The following RBFOX1 variants were observed in gnomAD, a reference collection of about 807,000 sequenced individuals.
RBFOX1 encodes the protein RNA binding protein fox-1 homolog 1.
In RBFOX1, 8 loss-of-function variants were observed where a neutral mutation model predicts 57.7. The ratio of observed to expected loss-of-function variants is 0.14; its 90% CI spans 0.08 to 0.25. The LOEUF is 0.25. RBFOX1 is among the 10% of genes least tolerant of loss of function. The pLI, the probability that RBFOX1 is intolerant of heterozygous loss-of-function variation, is 1.00. For missense variants in RBFOX1, 611 were observed against 548.5 expected, an observed-to-expected ratio of 1.11 and a Z score of -1.14; for synonymous variants, 326 against 222.4, an observed-to-expected ratio of 1.47 and a Z score of -4.15.
intron 4 of RBFOX1, among the ~76,000 whole-genome samples, chr16:7,140,057 C>T (rs1459985681): frequency 6.6e-6 from 1 of 151,544 alleles, no homozygotes; most frequent in Non-Finnish European, 1.5e-5. Flanking sequence ...GGAATATTAG[C>T]CAAAGAATGG....
rs2090372128 is a variant in RBFOX1 at position 7,208,126 on chromosome 16, T to C, written c.27+156028T>C. On this transcript the variant is annotated intron_variant, in intron 4 of 15. Coordinates refer to ENST00000550418, the MANE Select transcript of RBFOX1 (RefSeq NM_018723.4). Reference sequence around the variant, plus strand: ...TACAGGAAAAGCTGGAGATGGCTGTTTATGTATCCCTGGAGTTTGGTTTTT... The same window carrying C: ...TACAGGAAAAGCTGGAGATGGCTGTCTATGTATCCCTGGAGTTTGGTTTTT... Among the ~76,000 whole-genome samples, 4 of 152,260 alleles carry C rather than the reference T, an allele frequency of 2.6e-5. No homozygotes were observed. The South Asian group carries it at 8.3e-4, about 32-fold the overall frequency.
At chr16:5,565,002 C>A (rs1219433850) in intron 2 of RBFOX1, among the ~76,000 whole-genome samples, 1 of 152,136 alleles carries the variant, frequency 6.6e-6, no homozygotes, top group Non-Finnish European at 1.5e-5. Flanking sequence ...TCAAAGAGCC[C>A]TAGCCACTCA....
chr16:6,812,461 C>T (rs768119939), intron 3 of RBFOX1, among the ~76,000 whole-genome samples: 12 of 152,090 alleles, frequency 7.9e-5, no homozygotes, highest in Non-Finnish European at 1.8e-4. Flanking sequence ...GCAACCTCCA[C>T]CTCTAGGGTT....
intron 3 of RBFOX1, among the ~76,000 whole-genome samples, chr16:5,758,826 C>T (rs1360321036): frequency 6.6e-6 from 1 of 152,080 alleles, no homozygotes; most frequent in African/African-American, 2.4e-5. Context: ...TGTATGCTCC[C>T]CTAGACAGGA....
intron 2 of RBFOX1, among the ~76,000 whole-genome samples, chr16:6,340,833 T>C (rs928004180): frequency 5.9e-5 from 9 of 152,128 alleles, no homozygotes; most frequent in African/African-American, 1.9e-4. Flanking sequence ...CTATTCAATA[T>C]GGAGTTGCCC....
At chr16:6,896,932 A>T (rs1262642899) in intron 3 of RBFOX1, among the ~76,000 whole-genome samples, 1 of 152,166 alleles carries the variant, frequency 6.6e-6, no homozygotes, top group African/African-American at 2.4e-5. Flanking sequence ...AAAGAAAGCA[A>T]AGAAACTCTG....
At chr16:7,546,862 A>C (rs755208947) in intron 5 of RBFOX1, among the ~76,000 whole-genome samples, 2 of 152,160 alleles carry the variant, frequency 1.3e-5, no homozygotes, top group Non-Finnish European at 2.9e-5. Context: ...TCTTTCTGCA[A>C]ATCTCTGCAC....
intron 2 of RBFOX1, among the ~76,000 whole-genome samples, chr16:6,469,430 G>T (rs1004989600): frequency 6.6e-6 from 1 of 152,082 alleles, no homozygotes; most frequent in Non-Finnish European, 1.5e-5. Context: ...GTCTGAGCTG[G>T]ATTTCCTTCG....
chr16:5,555,824 C>T (rs9929401), intron 2 of RBFOX1, among the ~76,000 whole-genome samples: 5,480 of 151,882 alleles, frequency 0.036, 346 homozygotes, highest in African/African-American at 0.12. Flanking sequence ...GAGTTCGAGA[C>T]GAGCCTCACC....
At chr16:6,801,858 C>T (rs748288745) in intron 3 of RBFOX1, among the ~76,000 whole-genome samples, 2 of 152,094 alleles carry the variant, frequency 1.3e-5, no homozygotes, top group Admixed American at 6.6e-5. Flanking sequence ...GTGCATTCAT[C>T]TGAAGACCTA....
intron 1 of RBFOX1, among the ~76,000 whole-genome samples, chr16:6,309,271 C>G (rs1012487167): frequency 2.0e-5 from 3 of 152,120 alleles, no homozygotes; most frequent in African/African-American, 7.2e-5. Flanking sequence ...CCTGTTATCT[C>G]TGGCGGGTTC....
chr16:6,719,594 C>G (rs886313825), intron 3 of RBFOX1, among the ~76,000 whole-genome samples: 2 of 151,718 alleles, frequency 1.3e-5, no homozygotes, highest in Admixed American at 1.3e-4. Context: ...GTGCCCATCA[C>G]CACGCCCGGC....
intron 2 of RBFOX1, among the ~76,000 whole-genome samples, chr16:6,551,552 A>G (rs908112139): frequency 1.3e-5 from 2 of 152,212 alleles, no homozygotes; most frequent in Non-Finnish European, 2.9e-5. Context: ...ACATTCATCA[A>G]GTGATAATAT....
chr16:7,119,588 A>T (rs2066659110), intron 4 of RBFOX1, among the ~76,000 whole-genome samples: 1 of 152,112 alleles, frequency 6.6e-6, no homozygotes, highest in South Asian at 2.1e-4. Context: ...AAAAACAACA[A>T]CAAAAAACCA....
intron 3 of RBFOX1, among the ~76,000 whole-genome samples, chr16:7,008,632 TCCTC>T (rs1234491751): frequency 1.1e-5 from 1 of 92,260 alleles, no homozygotes; most frequent in Non-Finnish European, 2.1e-5. Flanking sequence ...CTCCCTCCCT[TCCTC>T]CCTCCCTTCC....
chr16:6,914,110 A>G (rs1356560503), intron 3 of RBFOX1, among the ~76,000 whole-genome samples: 1 of 152,212 alleles, frequency 6.6e-6, no homozygotes, highest in Non-Finnish European at 1.5e-5. Flanking sequence ...AACATTTGGA[A>G]TGATACCTCT....
At chr16:6,732,943 A>C (rs1025155025) in intron 3 of RBFOX1, among the ~76,000 whole-genome samples, 4 of 152,228 alleles carry the variant, frequency 2.6e-5, no homozygotes, top group African/African-American at 9.6e-5. Flanking sequence ...TTTCTGAATA[A>C]AGTAAGAGCT....
chr16:7,043,780 C>G (rs985509876), intron 3 of RBFOX1, among the ~76,000 whole-genome samples: 11 of 152,198 alleles, frequency 7.2e-5, no homozygotes, highest in African/African-American at 2.7e-4. Flanking sequence ...AAGTTAATCT[C>G]TCACCAGTTC....
intron 4 of RBFOX1, among the ~76,000 whole-genome samples, chr16:7,242,912 C>G (rs576981979): frequency 6.6e-6 from 1 of 152,172 alleles, no homozygotes; most frequent in African/African-American, 2.4e-5. Flanking sequence ...CATTTTCATC[C>G]TGCATATGGG....
Sources: allele counts gnomAD v4.1 joint callset (sites outside exome capture counted in the v4.1 genomes callset), GRCh38; gene constraint gnomAD v4.1.1; transcripts MANE v1.5; gene names NCBI Gene and HGNC (gene_info 2026-07-23, HGNC 2026-07-21).